COL21A1: variants seen among roughly 807,000 people sequenced by gnomAD.
COL21A1 encodes collagen alpha-1(XXI) chain.
Under a neutral mutation model 137.9 loss-of-function variants are expected in COL21A1, and 149 were observed. That is an observed-to-expected ratio of 1.08 (90% CI 0.95 to 1.24). The LOEUF (loss-of-function observed/expected upper bound fraction) is 1.24. COL21A1 is among the 50% of genes most tolerant of loss of function. The probability of loss-of-function intolerance (pLI) is 0.00; values close to 1 mark genes in which losing one functional copy is unlikely to be tolerated. For missense variants in COL21A1, 1,167 were observed against 1,158.4 expected (o/e 1.01, Z -0.11); for synonymous variants, 456 against 391.5 (o/e 1.16, Z -1.95).
intron 1 of COL21A1, among the ~76,000 whole-genome samples, chr6:56,241,539 A>G (rs1782324693): frequency 6.6e-6 from 1 of 152,182 alleles, no homozygotes; most frequent in Admixed American, 6.5e-5. Context: ...GGAGAAAAAA[A>G]GTAAAAGAGC....
chr6:56,362,634 A>G (rs1488951379), intron 1 of COL21A1, among the ~76,000 whole-genome samples: 1 of 151,908 alleles, frequency 6.6e-6, no homozygotes, highest in African/African-American at 2.4e-5. Context: ...CCCCCAGTCC[A>G]CTTACCATGA....
At chr6:56,158,353 G>A (rs1426521024) in intron 9 of COL21A1, among the ~76,000 whole-genome samples, 1 of 128,434 alleles carries the variant, frequency 7.8e-6, no homozygotes, top group African/African-American at 3.0e-5. Context: ...GCTCACTGTA[G>A]CTTCAACCTC....
chr6:56,267,382 G>C (rs1763415744), intron 1 of COL21A1, among the ~76,000 whole-genome samples: 1 of 152,098 alleles, frequency 6.6e-6, no homozygotes, highest in African/African-American at 2.4e-5. Context: ...ACAGAGATGA[G>C]CCCAGCAACT....
chr6:56,192,284 G>T (rs2152291335), intron 1 of COL21A1, among the ~76,000 whole-genome samples: 1 of 152,190 alleles, frequency 6.6e-6, no homozygotes, highest in East Asian at 1.9e-4. Flanking sequence ...CAGGACATAG[G>T]CATGGGCAAA....
In COL21A1 at chr6:56,179,726, T is replaced by C; in HGVS notation, c.492A>G (p.Thr164=). 1 of 1,613,984 alleles carries C rather than the reference T, an allele frequency of 6.2e-7. No homozygotes were observed. Among genetic ancestry groups the C allele is most frequent in the South Asian group, 1.1e-5 (1 of 91,082 alleles). The stretch of plus-strand genomic sequence containing the variant: ...CTGAACCAACACCAATAGCAAATAA[T>C]GTTATCTTACTATCTCTTGCTGCTT... The part of the protein sequence containing the change: ...AAQAARDSKI[T]LFAIGVGSET... Residue 164 remains threonine, a synonymous_variant, in exon 3 of 30, where the codon ACA becomes ACG. Coordinates refer to ENST00000244728, the MANE Select transcript of COL21A1 (RefSeq NM_030820.4).
At chr6:56,102,686 C>T (rs2152170273) in intron 16 of COL21A1, among the ~76,000 whole-genome samples, 1 of 152,180 alleles carries the variant, frequency 6.6e-6, no homozygotes, top group Middle Eastern at 3.4e-3. Flanking sequence ...ATTTGGCAAA[C>T]ATAATCAGTA....
chr6:56,281,823 G>A (rs1457922333), intron 1 of COL21A1, among the ~76,000 whole-genome samples: 1 of 152,054 alleles, frequency 6.6e-6, no homozygotes, highest in Non-Finnish European at 1.5e-5. Flanking sequence ...GATGGCATCT[G>A]GTCACAAGAG....
At chr6:56,272,201 G>A (rs1209457138) in intron 1 of COL21A1, among the ~76,000 whole-genome samples, 1 of 152,226 alleles carries the variant, frequency 6.6e-6, no homozygotes, top group South Asian at 2.1e-4. Flanking sequence ...AGCAGTCACA[G>A]GGGCAGAGCT....
At chr6:56,274,446 A>G (rs529667403) in intron 1 of COL21A1, among the ~76,000 whole-genome samples, 1 of 152,354 alleles carries the variant, frequency 6.6e-6, no homozygotes, top group African/African-American at 2.4e-5. Flanking sequence ...TGCTGATGAT[A>G]TGATTCTGTA....
chr6:56,207,972 A>G (rs6904431), intron 1 of COL21A1, among the ~76,000 whole-genome samples: 95,798 of 151,686 alleles, frequency 0.63, 30,522 homozygotes, highest in East Asian at 0.86. Flanking sequence ...GCCTTCGACA[A>G]AATTCAACAG....
chr6:56,337,965 T>A (rs1272311164), intron 1 of COL21A1, among the ~76,000 whole-genome samples: 1 of 108,660 alleles, frequency 9.2e-6, no homozygotes, highest in Non-Finnish European at 1.7e-5. Flanking sequence ...TCTTTTCTTT[T>A]TTTTTTTTTT....
intron 1 of COL21A1, among the ~76,000 whole-genome samples, chr6:56,356,891 G>C (rs573538890): frequency 6.6e-6 from 1 of 152,098 alleles, no homozygotes; most frequent in Non-Finnish European, 1.5e-5. Flanking sequence ...GTTATGAAAT[G>C]CATCTCTATT....
chr6:56,085,706 TAA>T (rs1263189540), intron 17 of COL21A1, among the ~76,000 whole-genome samples: 2 of 151,956 alleles, frequency 1.3e-5, no homozygotes, highest in Admixed American at 6.6e-5. Flanking sequence ...CAGTTGCCAT[TAA>T]AAATCTAGTT....
intron 1 of COL21A1, among the ~76,000 whole-genome samples, chr6:56,338,969 C>A (rs1290837888): frequency 6.6e-6 from 1 of 152,110 alleles, no homozygotes; most frequent in Non-Finnish European, 1.5e-5. Flanking sequence ...TTGTAACTAT[C>A]TTTATAAAAG....
intron 1 of COL21A1, among the ~76,000 whole-genome samples, chr6:56,275,428 C>A (rs1441366806): frequency 1.3e-5 from 2 of 152,064 alleles, no homozygotes; most frequent in Non-Finnish European, 2.9e-5. Context: ...AACAAACAAC[C>A]TACAAACGGG....
chr6:56,323,217 C>T (rs1375328734), intron 1 of COL21A1, among the ~76,000 whole-genome samples: 1 of 152,046 alleles, frequency 6.6e-6, no homozygotes, highest in Non-Finnish European at 1.5e-5. Flanking sequence ...AAAGCCTATA[C>T]TCATTTGTGC....
intron 1 of COL21A1, among the ~76,000 whole-genome samples, chr6:56,234,797 A>G (rs546763448): frequency 6.6e-6 from 1 of 151,704 alleles, no homozygotes; most frequent in African/African-American, 2.4e-5. Flanking sequence ...TCTCATATTC[A>G]TCTCTTAAAA....
At chr6:56,124,016 T>A in intron 16 of COL21A1, 46 bp downstream of exon 16, 4 of 1,423,380 alleles carry the variant, frequency 2.8e-6, no homozygotes, top group Non-Finnish European at 3.7e-6. Context: ...CCTCTCAAGA[T>A]ACAAAAATCT....
intron 1 of COL21A1, among the ~76,000 whole-genome samples, chr6:56,198,208 A>T (rs1779158520): frequency 6.6e-6 from 1 of 152,126 alleles, no homozygotes; most frequent in East Asian, 1.9e-4. Context: ...TGATTAACCC[A>T]GGCTGGGGAG....
Sources: gnomAD v4.1 joint callset for allele counts (sites outside exome capture counted in the v4.1 genomes callset) on GRCh38, gnomAD v4.1.1 for gene constraint, MANE v1.5 for transcripts, NCBI Gene and HGNC (gene_info 2026-07-23, HGNC 2026-07-21) for gene names.